WDFY3: variants seen among roughly 807,000 people sequenced by gnomAD.
WDFY3 encodes the protein WD repeat and FYVE domain-containing protein 3.
In WDFY3, 66 loss-of-function variants were observed where a neutral mutation model predicts 409.6. The observed-to-expected ratio is 0.16, with a 90% confidence interval of 0.13 to 0.20. The LOEUF is 0.20. Among genes scored for constraint, WDFY3 ranks in the 10% least tolerant of loss-of-function variants. WDFY3 has a pLI of 1.00. For missense variants in WDFY3, 3,031 were observed against 4,298.1 expected (o/e 0.71, Z 8.24); for synonymous variants, 1,521 against 1,537.1 (o/e 0.99, Z 0.25).
At chr4:84,900,464 G>T (rs138251937) in intron 2 of WDFY3, among the ~76,000 whole-genome samples, 1 of 151,982 alleles carries the variant, frequency 6.6e-6, no homozygotes, top group South Asian at 2.1e-4. Context: ...GGCCTCAAGC[G>T]ATCCTCCAAA....
chr4:84,716,301 T>A (rs1337111512), intron 49 of WDFY3, among the ~76,000 whole-genome samples: 1 of 149,184 alleles, frequency 6.7e-6, no homozygotes, highest in Non-Finnish European at 1.5e-5. Flanking sequence ...TAGCTGGGCG[T>A]GGTGGCAGGC....
rs1357164798 is a variant in WDFY3, at chr4:84,821,528, C to A, written c.1147G>T (p.Ala383Ser). ...AATGCATTCTGAAGAACTGCAAAGG[C>A]CTGGACGTTTCTCACACTGTGACCT... is the stretch of plus-strand genomic sequence containing the variant. ...GKGHSVRNVQ[A>S]FAVLQNAFLK... Residue 383 changes from alanine (A) to serine (S), a missense_variant, in exon 11 of 68, where the codon GCC becomes TCC. Transcript: ENST00000295888. 1 of 1,612,752 alleles carries A rather than the reference C, an allele frequency of 6.2e-7. No homozygotes were observed. The highest frequency in any genetic ancestry group is 1.1e-5 in the South Asian group (1 of 91,024).
At chr4:84,831,309 T>C (rs1476897822) in intron 8 of WDFY3, 104 bp downstream of exon 8, 1 of 952,620 alleles carries the variant, frequency 1.0e-6, no homozygotes, top group African/African-American at 1.7e-5. Flanking sequence ...TTTTTTATTT[T>C]AAAGAACAAG....
chr4:84,772,989 C>A (rs879545466), intron 29 of WDFY3, 60 bp from the exon 30 acceptor site: 9 of 1,298,928 alleles, frequency 6.9e-6, no homozygotes, highest in Non-Finnish European at 8.4e-6. Flanking sequence ...AAACAAACAA[C>A]AAAGTACAAA....
chr4:84,690,377 G>A, intron 61 of WDFY3, 129 bp downstream of exon 61: 1 of 1,299,818 alleles, frequency 7.7e-7, no homozygotes, highest in Non-Finnish European at 1.1e-6. Context: ...TCTAGCAACA[G>A]AACGTCACTT....
At chr4:84,881,151 C>A (rs1409114404) in intron 3 of WDFY3, among the ~76,000 whole-genome samples, 4 of 152,120 alleles carry the variant, frequency 2.6e-5, no homozygotes, top group Non-Finnish European at 4.4e-5. Context: ...TTTTACCATA[C>A]ATACGCATCA....
chr4:84,959,347 T>A (rs1439099773), intron 1 of WDFY3, among the ~76,000 whole-genome samples: 1 of 152,074 alleles, frequency 6.6e-6, no homozygotes, highest in Non-Finnish European at 1.5e-5. Context: ...TTTTAAAAAA[T>A]TAAAACAAAA....
intron 10 of WDFY3, among the ~76,000 whole-genome samples, chr4:84,823,497 A>C (rs374554448): frequency 6.6e-6 from 1 of 152,186 alleles, no homozygotes; most frequent in East Asian, 1.9e-4. Context: ...GTTAAAAAAA[A>C]ACCAGCAAGT....
At position 84,893,004 on chromosome 4, in the gene WDFY3, T is replaced by C. The variant is rs527538595; in HGVS notation, c.-32+3907A>G. Among the ~76,000 whole-genome samples, 3 of 152,274 alleles carry C rather than the reference T, an allele frequency of 2.0e-5. No individual in the cohort carries two copies. The South Asian group carries it at 6.2e-4, about 32-fold the overall frequency. Reference sequence around the variant, plus strand: ...AGGCTAAGGAACAAGTAAAACCAAATGGCTTGAAGTGAGATTGTGCTTCAC... The same window carrying C: ...AGGCTAAGGAACAAGTAAAACCAAACGGCTTGAAGTGAGATTGTGCTTCAC... On this transcript the variant is annotated intron_variant, in intron 3 of 67. Coordinates refer to ENST00000295888, the MANE Select transcript of WDFY3 (RefSeq NM_014991.6).
At chr4:84,680,975 T>G (rs1727247880) in intron 64 of WDFY3, among the ~76,000 whole-genome samples, 1 of 152,234 alleles carries the variant, frequency 6.6e-6, no homozygotes, top group South Asian at 2.1e-4. Context: ...ATTTGCCTGC[T>G]TCCTACTCAG....
chr4:84,940,476 G>T (rs1387620895), intron 1 of WDFY3, among the ~76,000 whole-genome samples: 1 of 151,910 alleles, frequency 6.6e-6, no homozygotes, highest in East Asian at 1.9e-4. Flanking sequence ...TTAAAAAAAG[G>T]TTTACTTTGA....
chr4:84,840,965 G>C (rs903001329), intron 6 of WDFY3, among the ~76,000 whole-genome samples, 189 bp downstream of exon 6: 3 of 152,086 alleles, frequency 2.0e-5, no homozygotes, highest in African/African-American at 7.2e-5. Context: ...TGAGTAAAAT[G>C]CATCGAACAT....
At chr4:84,722,359 C>T (rs1189669782) in intron 46 of WDFY3, among the ~76,000 whole-genome samples, 1 of 152,050 alleles carries the variant, frequency 6.6e-6, no homozygotes, top group Non-Finnish European at 1.5e-5. Context: ...TGCACTCCAG[C>T]CTGGGTGACA....
At chr4:84,872,405 C>T (rs1762244842) in intron 3 of WDFY3, among the ~76,000 whole-genome samples, 1 of 150,524 alleles carries the variant, frequency 6.6e-6, no homozygotes, top group Non-Finnish European at 1.5e-5. Context: ...GCAGAGGTTG[C>T]AGTGAGCCGA....
At chr4:84,902,783 A>G (rs1198065999) in intron 2 of WDFY3, among the ~76,000 whole-genome samples, 1 of 152,232 alleles carries the variant, frequency 6.6e-6, no homozygotes, top group African/African-American at 2.4e-5. Flanking sequence ...TATGTGACTT[A>G]TAAGACTAGG....
Position 84,847,159 on chromosome 4 carries a change from A to G in WDFY3, c.304+2743T>C, listed in dbSNP as rs543864690. 9.2e-5 allele frequency among the ~76,000 whole-genome samples: 14 copies of G among 152,198 alleles called. No homozygotes were observed. The South Asian group carries it at 1.9e-3, about 20-fold the overall frequency. ...CAAACCTTTCCCCTACTTTGCTTCC[A>G]AAGTGCTGAGTCAGGCATATATCTT... is the stretch of plus-strand genomic sequence containing the variant. On this transcript the variant is annotated intron_variant, in intron 5 of 67. Coordinates refer to ENST00000295888, the MANE Select transcript of WDFY3 (RefSeq NM_014991.6).
chr4:84,673,689 T>A (rs1725798889), intron 67 of WDFY3, among the ~76,000 whole-genome samples: 1 of 152,140 alleles, frequency 6.6e-6, no homozygotes, highest in Non-Finnish European at 1.5e-5. Context: ...TATTCAGAGT[T>A]CCTATTCCTG....
intron 61 of WDFY3, among the ~76,000 whole-genome samples, chr4:84,688,607 G>A (rs1728724391): frequency 6.6e-6 from 1 of 152,118 alleles, no homozygotes; most frequent in Non-Finnish European, 1.5e-5. Flanking sequence ...ATGTAGAGAT[G>A]TATTGATTAT....
intron 17 of WDFY3, 102 bp from the exon 18 acceptor site, chr4:84,798,210 T>C: frequency 1.9e-6 from 2 of 1,025,924 alleles, no homozygotes; most frequent in Non-Finnish European, 2.8e-6. Context: ...AACAGACTAA[T>C]TACAATAAAA....
Sources: gnomAD v4.1 joint callset for allele counts (sites outside exome capture counted in the v4.1 genomes callset) on GRCh38, gnomAD v4.1.1 for gene constraint, MANE v1.5 for transcripts, NCBI Gene and HGNC (gene_info 2026-07-23, HGNC 2026-07-21) for gene names.